Variants in GC observed in about 807,000 individuals in gnomAD.
The protein encoded by GC is vitamin D-binding protein.
Under a neutral mutation model 56.7 loss-of-function variants are expected in GC, and 43 were observed. The ratio of observed to expected loss-of-function variants is 0.76; its 90% confidence interval spans 0.59 to 0.98. GC has a LOEUF of 0.98. Among genes scored for constraint, GC ranks in the 50% least tolerant of loss-of-function variants. The probability of loss-of-function intolerance (pLI) is 0.00; values close to 1 mark genes in which losing one functional copy is unlikely to be tolerated. For missense variants in GC, 529 were observed against 545.9 expected, an observed-to-expected ratio of 0.97 and a Z score of 0.31; for synonymous variants, 216 against 202.7, an observed-to-expected ratio of 1.07 and a Z score of -0.56.
At chr4:71,760,846 C>T (rs1741947357) in intron 6 of GC, among the ~76,000 whole-genome samples, 1 of 152,110 alleles carries the variant, frequency 6.6e-6, no homozygotes, top group South Asian at 2.1e-4. Flanking sequence ...ATGATTTGCT[C>T]CTCCTTGCCT....
intron 1 of GC, among the ~76,000 whole-genome samples, chr4:71,777,079 A>G (rs558087690): frequency 3.9e-5 from 6 of 151,990 alleles, no homozygotes; most frequent in South Asian, 4.1e-4. Context: ...TTTTAAAATT[A>G]TAAAAAGTAG....
At chr4:71,769,757 C>T (rs1229728332) in intron 1 of GC, among the ~76,000 whole-genome samples, 2 of 152,146 alleles carry the variant, frequency 1.3e-5, no homozygotes, top group Non-Finnish European at 2.9e-5. Flanking sequence ...CTCCTTCCCT[C>T]CCTCCTTCCC....
intron 1 of GC, among the ~76,000 whole-genome samples, chr4:71,790,349 T>C (rs1017574496): frequency 6.6e-6 from 1 of 152,002 alleles, no homozygotes; most frequent in African/African-American, 2.4e-5. Context: ...ATGGTACATC[T>C]TTTTACATAT....
intron 1 of GC, among the ~76,000 whole-genome samples, chr4:71,773,654 G>C (rs185409397): frequency 6.6e-6 from 1 of 151,846 alleles, no homozygotes; most frequent in African/African-American, 2.4e-5. Context: ...ACCTAATTTG[G>C]CTCCCTAGAA....
intron 1 of GC, among the ~76,000 whole-genome samples, chr4:71,794,798 G>T (rs1333232194): frequency 1.3e-5 from 2 of 152,018 alleles, no homozygotes. Context: ...GGCATTTAGT[G>T]GTATAAATTT....
At chr4:71,781,837 G>A (rs1328912765) in intron 1 of GC, among the ~76,000 whole-genome samples, 2 of 151,778 alleles carry the variant, frequency 1.3e-5, no homozygotes, top group African/African-American at 2.4e-5. Context: ...GATTCCCAAT[G>A]CTGTTTGATA....
rs753366470 is a variant in GC at position 71,765,499 on chromosome 4, A to T, written c.406T>A (p.Tyr136Asn). 3 of 1,613,846 alleles carry T rather than the reference A, an allele frequency of 1.9e-6. No homozygotes were observed. In the East Asian group the frequency reaches 6.7e-5, roughly 36 times the overall value. ...LKHQPQEFPT[Y>N]VEPTNDEICE... ...ATTTCATCATTTGTGGGTTCCACGTAGGTAGGGAATTCCTGTGGCTGGTGT... is the reference window on the plus strand; with the variant it reads ...ATTTCATCATTTGTGGGTTCCACGTTGGTAGGGAATTCCTGTGGCTGGTGT... Residue 136 changes from tyrosine (Y) to asparagine (N), a missense_variant, in exon 4 of 13, where the codon TAC becomes AAC. Physicochemically the swap from Tyr to Asn is moderately radical, Grantham distance 143. Transcript: ENST00000273951.
intron 1 of GC, among the ~76,000 whole-genome samples, chr4:71,795,352 T>C (rs1436737440): frequency 1.3e-5 from 2 of 152,214 alleles, no homozygotes; most frequent in African/African-American, 4.8e-5. Context: ...CTGTATTGGG[T>C]GCATACATAT....
At chr4:71,761,611 GC>G (rs1345368038) in intron 6 of GC, among the ~76,000 whole-genome samples, 1 of 152,178 alleles carries the variant, frequency 6.6e-6, no homozygotes, top group Non-Finnish European at 1.5e-5. Flanking sequence ...CCCATCACAG[GC>G]CTGGAGACCT....
intron 1 of GC, among the ~76,000 whole-genome samples, chr4:71,802,415 A>G (rs1402342659): frequency 6.6e-6 from 1 of 152,208 alleles, no homozygotes; most frequent in African/African-American, 2.4e-5. Context: ...ACAATCTTTT[A>G]GAGAAAAACA....
intron 1 of GC, among the ~76,000 whole-genome samples, chr4:71,782,946 A>G (rs1219907387): frequency 1.3e-5 from 2 of 151,812 alleles, no homozygotes; most frequent in African/African-American, 4.8e-5. Context: ...CGCATAGCTT[A>G]CTTAAGAATT....
At position 71,765,632 on chromosome 4, in the gene GC, C is replaced by G. The variant is rs1214451814; in HGVS notation, c.273G>C (p.Leu91=). 1.2e-6 allele frequency: 2 copies of G among 1,610,754 alleles called. No individual in the cohort carries two copies. The highest frequency in any genetic ancestry group is 1.7e-6 in the Non-Finnish European group (2 of 1,177,266). Residue 91 remains leucine, a synonymous_variant, in exon 4 of 13, where the codon CTG becomes CTC. Transcript: ENST00000273951. ...AATTACTTTCACAGGACTTGGCAGA[C>G]AGTGCTGAGGTCTGGAGGAGAAGGA... ...PDCYDTRTSA[L]SAKSCESNSP...
chr4:71,799,291 A>G (rs895015082), intron 1 of GC, among the ~76,000 whole-genome samples: 1 of 152,208 alleles, frequency 6.6e-6, no homozygotes, highest in Admixed American at 6.5e-5. Context: ...TCAGCGAGAC[A>G]GATATAACTG....
intron 1 of GC, among the ~76,000 whole-genome samples, chr4:71,793,757 G>C (rs993632771): frequency 1.3e-5 from 2 of 152,066 alleles, no homozygotes; most frequent in Non-Finnish European, 2.9e-5. Context: ...AAGGCTTCTG[G>C]TTTTTGCCCA....
chr4:71,793,399 G>A (rs1056257696), intron 1 of GC, among the ~76,000 whole-genome samples: 3 of 152,074 alleles, frequency 2.0e-5, no homozygotes, highest in Non-Finnish European at 4.4e-5. Context: ...GTATTCCTAG[G>A]TATTTTATTC....
intron 4 of GC, among the ~76,000 whole-genome samples, chr4:71,764,447 A>G (rs546928725): frequency 4.7e-4 from 71 of 152,270 alleles, no homozygotes; most frequent in Non-Finnish European, 8.4e-4. Context: ...ACAAATTTCT[A>G]TGTGGTTTGT....
rs569476355 is a variant in GC, at chr4:71,760,370, C to T, written c.702-2199G>A. 1.7e-3 allele frequency among the ~76,000 whole-genome samples: 256 copies of T among 151,908 alleles called. 1 individual carries two copies. The highest frequency in any genetic ancestry group is 6.8e-3 in the Middle Eastern group (2 of 294). On this transcript the variant is annotated intron_variant, in intron 6 of 12. Transcript: ENST00000273951. ...CCTGGACAAGAAAGTAGTTTCTATT[C>T]CCATTACGGAAGCTTATTATGCATT... is the stretch of plus-strand genomic sequence containing the variant.
At chr4:71,743,127 G>A (rs1202192253) in intron 12 of GC, among the ~76,000 whole-genome samples, 3 of 152,212 alleles carry the variant, frequency 2.0e-5, no homozygotes, top group Non-Finnish European at 2.9e-5. Context: ...TTTTTAATAA[G>A]ACTCTAATTG....
upstream of GC, among the ~76,000 whole-genome samples, chr4:71,804,774 C>T (rs1321341982): frequency 2.0e-5 from 3 of 152,106 alleles, no homozygotes; most frequent in East Asian, 5.8e-4. Flanking sequence ...CCAAGAGCTA[C>T]CCTTCTAATG....
Sources: allele counts gnomAD v4.1 joint callset (sites outside exome capture counted in the v4.1 genomes callset), GRCh38; gene constraint gnomAD v4.1.1; transcripts MANE v1.5; gene names NCBI Gene and HGNC (gene_info 2026-07-23, HGNC 2026-07-21).